The following ITGAM variants were observed in gnomAD, a reference collection of about 807,000 sequenced individuals.
ITGAM encodes the protein integrin subunit alpha M.
ITGAM carries 79 observed loss-of-function variants against 137.5 expected under a neutral mutation model. The ratio of observed to expected loss-of-function variants is 0.57; its 90% CI spans 0.48 to 0.69. ITGAM has a LOEUF of 0.69. ITGAM is among the 30% of genes least tolerant of loss of function. The pLI, the probability that ITGAM is intolerant of heterozygous loss-of-function variation, is 0.00. For missense variants in ITGAM, 1,343 were observed against 1,483.5 expected (o/e 0.91, Z 1.56); for synonymous variants, 583 against 592.3 (o/e 0.98, Z 0.23).
At chr16:31,287,895 G>C (rs746693678) in intron 12 of ITGAM, among the ~76,000 whole-genome samples, 1 of 152,062 alleles carries the variant, frequency 6.6e-6, no homozygotes, top group Non-Finnish European at 1.5e-5. Flanking sequence ...CTCTGTTTTC[G>C]GTGTGTGGTC....
At chr16:31,328,465 C>CATGG (rs1567282323) in intron 23 of ITGAM, among the ~76,000 whole-genome samples, 2 of 149,364 alleles carry the variant, frequency 1.3e-5, no homozygotes, top group African/African-American at 5.0e-5. Flanking sequence ...GATGTATCTG[C>CATGG]ATGTGTGTAT....
rs114435027 is a variant in ITGAM at position 31,317,163 on chromosome 16, C to T, written c.1708-4078C>T. On this transcript the variant is annotated intron_variant, in intron 14 of 29. Coordinates refer to ENST00000544665, the MANE Select transcript of ITGAM (RefSeq NM_000632.4). ...AAATAGAAGTGGTGAGTGTGGGCATCCTTGCCTTGTTCCTAATTTTAGTGG... is the reference window on the plus strand; with the variant it reads ...AAATAGAAGTGGTGAGTGTGGGCATTCTTGCCTTGTTCCTAATTTTAGTGG... 9.3e-3 allele frequency among the ~76,000 whole-genome samples: 1,408 copies of T among 152,214 alleles called. 26 individuals carry two copies. Among genetic ancestry groups the T allele is most frequent in the African/African-American group, 0.032 (1,317 of 41,520 alleles).
At chr16:31,312,322 T>C (rs999319743) in intron 14 of ITGAM, among the ~76,000 whole-genome samples, 5 of 152,158 alleles carry the variant, frequency 3.3e-5, no homozygotes, top group Admixed American at 6.5e-5. Flanking sequence ...ATCCAATGAA[T>C]CAATTAATGC....
rs199790913 is a variant in ITGAM, at chr16:31,329,235, G to T, written c.2800G>T (p.Val934Phe). 2.0e-5 allele frequency: 33 copies of T among 1,611,204 alleles called. No individual in the cohort carries two copies. Among genetic ancestry groups the T allele is most frequent in the Non-Finnish European group, 2.8e-5 (33 of 1,177,766 alleles). Residue 934 changes from valine to phenylalanine, a missense_variant, in exon 24 of 30, where the codon GTC (valine) becomes TTC (phenylalanine). Coordinates refer to ENST00000544665, the MANE Select transcript of ITGAM (RefSeq NM_000632.4). Reference sequence around the variant, plus strand: ...CCTTTTTTCTCCCTTCAGCCATGGGGTCTCCACTAAATATCTCAACTTCAC... The same window carrying T: ...CCTTTTTTCTCCCTTCAGCCATGGGTTCTCCACTAAATATCTCAACTTCAC... ...AVYMVVTSHG[V>F]STKYLNFTAS...
intron 5 of ITGAM, among the ~76,000 whole-genome samples, chr16:31,267,153 T>A (rs2144266104): frequency 6.6e-6 from 1 of 152,240 alleles, no homozygotes. Context: ...AGCCAGGGAA[T>A]GAGTGGGGGG....
rs199795638 is a variant in ITGAM at position 31,300,450 on chromosome 16, G to GT, written c.1707+2503dup. Among the ~76,000 whole-genome samples, 410 of 152,222 alleles carry GT rather than the reference G, an allele frequency of 2.7e-3. 5 individuals carry two copies. Among genetic ancestry groups the GT allele is most frequent in the East Asian group, 0.019 (98 of 5,186 alleles). ...ATGTGTTTACCAACACTTGTCTTTT[G>GT]TTTTTTTGGCAATAGCCAGGCTAGC... On this transcript the variant is annotated intron_variant, in intron 14 of 29. Transcript: ENST00000544665.
At chr16:31,313,776 T>C (rs980305861) in intron 14 of ITGAM, among the ~76,000 whole-genome samples, 1 of 152,328 alleles carries the variant, frequency 6.6e-6, no homozygotes, top group East Asian at 1.9e-4. Flanking sequence ...ATGGTATTTC[T>C]GGTTTTAGAT....
chr16:31,328,786 TTGTGCATGTGTGTGTGTGAAGGTCTA>T (rs1486926506), intron 23 of ITGAM, among the ~76,000 whole-genome samples: 1 of 81,484 alleles, frequency 1.2e-5, no homozygotes, highest in African/African-American at 6.4e-5. Context: ...GGGTGTGTAT[TTGTGCATGTGTGTGTGTGAAGGTCTA>T]TGTGCATGTG....
intron 11 of ITGAM, 96 bp from the exon 12 acceptor site, chr16:31,277,871 C>T (rs1403627647): frequency 4.7e-6 from 6 of 1,274,762 alleles, no homozygotes; most frequent in East Asian, 2.6e-5. Context: ...ACACAGCAAG[C>T]GTGGGGCTGC....
At chr16:31,310,228 T>C (rs2080311221) in intron 14 of ITGAM, among the ~76,000 whole-genome samples, 1 of 152,086 alleles carries the variant, frequency 6.6e-6, no homozygotes, top group African/African-American at 2.4e-5. Context: ...TTTCCTGAAT[T>C]TGAATGTTGG....
chr16:31,312,049 A>C (rs2080338293), intron 14 of ITGAM, among the ~76,000 whole-genome samples: 1 of 147,396 alleles, frequency 6.8e-6, no homozygotes, highest in East Asian at 2.1e-4. Flanking sequence ...AAAACCAAAC[A>C]CTGCATGTTC....
At chr16:31,330,454 G>A (rs755207684) in intron 27 of ITGAM, 33 bp downstream of exon 27, 3 of 1,610,994 alleles carry the variant, frequency 1.9e-6, no homozygotes, top group Non-Finnish European at 8.5e-7. Flanking sequence ...GCCGGGCACA[G>A]GCGTGGTGCT....
chr16:31,302,949 T>TCC (rs2080227179), intron 14 of ITGAM, among the ~76,000 whole-genome samples: 2 of 125,962 alleles, frequency 1.6e-5, no homozygotes, highest in African/African-American at 6.0e-5. Context: ...TCTTTCTTTC[T>TCC]TTCTTTCTTT....
At position 31,283,365 on chromosome 16, in the gene ITGAM, G is replaced by A. The variant is rs920213124; in HGVS notation, c.1356+5256G>A. Among the ~76,000 whole-genome samples, 3 of 152,156 alleles carry A rather than the reference G, an allele frequency of 2.0e-5. No homozygotes were observed. The East Asian group carries it at 5.8e-4, about 29-fold the overall frequency. On this transcript the variant is annotated intron_variant, in intron 12 of 29. Coordinates refer to ENST00000544665, the MANE Select transcript of ITGAM (RefSeq NM_000632.4). The stretch of plus-strand genomic sequence containing the variant: ...TCACTTTCAGGTACACCAATCAGAC[G>A]TAGATTTGGTCTTTTCACATAGTCC...
chr16:31,308,043 G>A (rs1328049498), intron 14 of ITGAM, among the ~76,000 whole-genome samples: 1 of 151,876 alleles, frequency 6.6e-6, no homozygotes. Context: ...TGCTGGATTC[G>A]GTTTGCCAGT....
chr16:31,273,601 T>G (rs2079875923), intron 8 of ITGAM, 83 bp downstream of exon 8: 1 of 1,395,360 alleles, frequency 7.2e-7, no homozygotes. Flanking sequence ...CAAATATTAT[T>G]AAAATCAAAG....
intron 14 of ITGAM, among the ~76,000 whole-genome samples, chr16:31,308,109 C>CT (rs953470028): frequency 5.3e-5 from 8 of 152,144 alleles, no homozygotes; most frequent in African/African-American, 1.9e-4. Flanking sequence ...CTAAAATTCT[C>CT]TTTTTTTGTT....
At chr16:31,329,077 C>T in intron 23 of ITGAM, 151 bp from the exon 24 acceptor site, 1 of 484,216 alleles carries the variant, frequency 2.1e-6, no homozygotes, top group Non-Finnish European at 3.9e-6. Flanking sequence ...ATTGGTTCCC[C>T]CATCCCCCTG....
rs762166382 is a variant in ITGAM, at chr16:31,329,275, C to T, written c.2840C>T (p.Thr947Ile). Residue 947 changes from threonine to isoleucine, a missense_variant, in exon 24 of 30, where the codon ACC becomes ATC. Physicochemically the swap from Thr to Ile is moderately conservative, Grantham distance 89 (BLOSUM62 -1). Transcript: ENST00000544665. ...CTCAACTTCACGGCCTCAGAGAATA[C>T]CAGTCGGGTCATGCAGCATCAATAT... The part of the protein sequence containing the change: ...KYLNFTASEN[T>I]SRVMQHQYQV... 1.9e-6 allele frequency: 3 copies of T among 1,612,856 alleles called. No individual in the cohort carries two copies. Among genetic ancestry groups the T allele is most frequent in the Non-Finnish European group, 2.5e-6 (3 of 1,179,120 alleles).
Sources: allele counts gnomAD v4.1 joint callset (sites outside exome capture counted in the v4.1 genomes callset), GRCh38; gene constraint gnomAD v4.1.1; transcripts MANE v1.5; gene names NCBI Gene and HGNC (gene_info 2026-07-23, HGNC 2026-07-21).